The following ASCC1 variants were observed in gnomAD, a reference collection of about 807,000 sequenced individuals.
ASCC1 encodes activating signal cointegrator 1 complex subunit 1.
ASCC1 carries 35 observed loss-of-function variants against 46.6 expected under a neutral mutation model. That is an observed-to-expected ratio of 0.75 (90% CI 0.57 to 0.99). The LOEUF (loss-of-function observed/expected upper bound fraction) is 0.99. Among genes scored for constraint, ASCC1 ranks in the 50% least tolerant of loss-of-function variants. The probability of loss-of-function intolerance (pLI) is 0.00; values close to 1 mark genes in which losing one functional copy is unlikely to be tolerated. For missense variants in ASCC1, 376 were observed against 428.7 expected (o/e 0.88, Z 1.09); for synonymous variants, 143 against 146.6 (o/e 0.98, Z 0.18).
At chr10:72,215,608 A>T (rs1034048139) in intron 1 of ASCC1, among the ~76,000 whole-genome samples, 3 of 148,078 alleles carry the variant, frequency 2.0e-5, no homozygotes, top group African/African-American at 5.1e-5. Flanking sequence ...GGAAAAGCTT[A>T]AAAAAAAAAT....
rs144720688 is a variant in ASCC1 at position 72,171,337 on chromosome 10, G to A, written c.490-9663C>T. ...TTCCTTGAGCTTTCTAGCTTCTAGAGGCTACCTGAATGTCTTGGCTCAGAG... is the reference window on the plus strand; with the variant it reads ...TTCCTTGAGCTTTCTAGCTTCTAGAAGCTACCTGAATGTCTTGGCTCAGAG... On this transcript the variant is annotated intron_variant, in intron 5 of 9. Coordinates refer to ENST00000672957, the MANE Select transcript of ASCC1 (RefSeq NM_001198800.3). Among the ~76,000 whole-genome samples the A allele has an allele frequency of 3.4e-4, 52 of 152,288 alleles. No homozygotes were observed. In the East Asian group the frequency reaches 8.1e-3, roughly 24 times the overall value.
intron 1 of ASCC1, among the ~76,000 whole-genome samples, chr10:72,214,737 C>T (rs950051639): frequency 4.0e-5 from 6 of 151,586 alleles, no homozygotes; most frequent in Admixed American, 2.6e-4. Flanking sequence ...ACTTAACCAT[C>T]CAGAAAAAAA....
At chr10:72,203,858 C>T (rs1764403573) in intron 3 of ASCC1, among the ~76,000 whole-genome samples, 2 of 152,156 alleles carry the variant, frequency 1.3e-5, no homozygotes, top group African/African-American at 4.8e-5. Context: ...TGGCTCACAC[C>T]TGTAATCCCT....
chr10:72,104,079 A>C (rs903970716), intron 9 of ASCC1, among the ~76,000 whole-genome samples: 2 of 152,134 alleles, frequency 1.3e-5, no homozygotes, highest in African/African-American at 4.8e-5. Flanking sequence ...TGAGAGAAGA[A>C]ATCTTTCCTC....
chr10:72,183,073 C>CA (rs943372954), intron 5 of ASCC1, among the ~76,000 whole-genome samples: 9 of 146,308 alleles, frequency 6.2e-5, no homozygotes, highest in Admixed American at 2.1e-4. Context: ...GACAGAGTCT[C>CA]ACTCTGTTGC....
intron 8 of ASCC1, among the ~76,000 whole-genome samples, chr10:72,130,205 G>C (rs1845427680): frequency 6.6e-6 from 1 of 152,088 alleles, no homozygotes; most frequent in African/African-American, 2.4e-5. Flanking sequence ...GTGGAGGTCA[G>C]GGGAGGGCAG....
At chr10:72,119,065 A>C in intron 9 of ASCC1, among the ~76,000 whole-genome samples, 1 of 152,236 alleles carries the variant, frequency 6.6e-6, no homozygotes, top group East Asian at 1.9e-4. Flanking sequence ...ACAAGGGAGA[A>C]GAAACCCACA....
chr10:72,207,532 G>T (rs140667658), intron 3 of ASCC1, among the ~76,000 whole-genome samples: 117 of 152,210 alleles, frequency 7.7e-4, no homozygotes, highest in African/African-American at 2.8e-3. Flanking sequence ...CTCAGTCTTG[G>T]CTATACACTG....
intron 5 of ASCC1, among the ~76,000 whole-genome samples, chr10:72,164,291 C>T (rs1421037933): frequency 6.6e-6 from 1 of 152,072 alleles, no homozygotes; most frequent in Admixed American, 6.6e-5. Context: ...ATAATCACTC[C>T]TCTTTCTCCA....
intron 6 of ASCC1, among the ~76,000 whole-genome samples, chr10:72,153,495 G>A (rs1460783100): frequency 7.2e-5 from 11 of 151,962 alleles, no homozygotes; most frequent in Admixed American, 5.3e-4. Context: ...GCGTGATCTC[G>A]GCTCACTGCA....
chr10:72,143,127 C>T (rs1847223357), intron 7 of ASCC1, among the ~76,000 whole-genome samples: 1 of 145,040 alleles, frequency 6.9e-6, no homozygotes, highest in African/African-American at 2.6e-5. Context: ...TGCCACTGCA[C>T]TCGAGCCTGG....
intron 5 of ASCC1, among the ~76,000 whole-genome samples, chr10:72,187,337 C>T (rs189189834): frequency 1.4e-4 from 22 of 152,340 alleles, no homozygotes; most frequent in African/African-American, 5.1e-4. Flanking sequence ...GGCACAGTGG[C>T]TCACGCCTGT....
At chr10:72,104,002 T>G (rs1040237839) in intron 9 of ASCC1, among the ~76,000 whole-genome samples, 1 of 152,182 alleles carries the variant, frequency 6.6e-6, no homozygotes, top group South Asian at 2.1e-4. Context: ...TTAAATAAAT[T>G]TGTATGTTTT....
At chr10:72,161,040 G>A (rs929543888) in intron 6 of ASCC1, among the ~76,000 whole-genome samples, 15 of 151,842 alleles carry the variant, frequency 9.9e-5, no homozygotes, top group Non-Finnish European at 1.3e-4. Flanking sequence ...CCGAGATTGC[G>A]CCACTGCACT....
chr10:72,204,259 A>AT (rs936697890), intron 3 of ASCC1, among the ~76,000 whole-genome samples: 3 of 151,458 alleles, frequency 2.0e-5, no homozygotes, highest in African/African-American at 4.9e-5. Context: ...CAAAAAATAA[A>AT]TTTTTTTTTC....
chr10:72,139,583 G>A lies in ASCC1; in HGVS notation c.747-6402C>T, dbSNP rs1846723235. ...CTTAAGCAGCTTTATCACTTAGATA[G>A]TGCTTTGGATTTGAAAACAGAAGCC... On this transcript the variant is annotated intron_variant, in intron 7 of 9. Transcript: ENST00000672957. Among the ~76,000 whole-genome samples the A allele has an allele frequency of 3.9e-5, 6 of 152,220 alleles. No individual in the cohort carries two copies. In the South Asian group the frequency reaches 1.2e-3, roughly 31 times the overall value.
intron 5 of ASCC1, among the ~76,000 whole-genome samples, chr10:72,163,072 T>C (rs951386701): frequency 6.6e-6 from 1 of 152,064 alleles, no homozygotes; most frequent in Non-Finnish European, 1.5e-5. Context: ...AAAACCACTA[T>C]GAGGTACCAT....
intron 6 of ASCC1, among the ~76,000 whole-genome samples, chr10:72,153,519 G>A (rs1489170912): frequency 2.7e-5 from 4 of 150,706 alleles, no homozygotes; most frequent in African/African-American, 4.9e-5. Flanking sequence ...TCCACCTCCC[G>A]GGTTCACACC....
chr10:72,199,974 C>A (rs1856264134), intron 4 of ASCC1, among the ~76,000 whole-genome samples: 1 of 151,562 alleles, frequency 6.6e-6, no homozygotes, highest in Non-Finnish European at 1.5e-5. Context: ...CTCAAGTGAT[C>A]CTCCCACCTA....
Sources: allele counts gnomAD v4.1 joint callset (sites outside exome capture counted in the v4.1 genomes callset), GRCh38; gene constraint gnomAD v4.1.1; transcripts MANE v1.5; gene names NCBI Gene and HGNC (gene_info 2026-07-23, HGNC 2026-07-21).